Variants in SLIT2 observed in about 807,000 individuals in gnomAD.
The protein encoded by SLIT2 is slit guidance ligand 2.
In SLIT2, 41 loss-of-function variants were observed where a neutral mutation model predicts 185.7. That is an observed-to-expected ratio of 0.22 (90% confidence interval 0.17 to 0.29). The LOEUF is 0.29. SLIT2 is among the 10% of genes least tolerant of loss of function. The probability of loss-of-function intolerance (pLI) is 1.00; values close to 1 mark genes in which losing one functional copy is unlikely to be tolerated. For missense variants in SLIT2, 1,571 were observed against 1,909.0 expected (o/e 0.82, Z 3.30); for synonymous variants, 693 against 680.2 (o/e 1.02, Z -0.29).
chr4:20,515,880 A>G (rs933312592), intron 11 of SLIT2, among the ~76,000 whole-genome samples: 1 of 152,128 alleles, frequency 6.6e-6, no homozygotes, highest in African/African-American at 2.4e-5. Context: ...CAATGGCGCA[A>G]TCTCGGCTCA....
chr4:20,605,341 G>A (rs1728707460), intron 33 of SLIT2, among the ~76,000 whole-genome samples: 1 of 152,152 alleles, frequency 6.6e-6, no homozygotes, highest in African/African-American at 2.4e-5. Flanking sequence ...CAAACAGTTG[G>A]GGAACTGCTT....
At chr4:20,598,451 C>G in intron 33 of SLIT2, 56 bp downstream of exon 33, 1 of 1,585,894 alleles carries the variant, frequency 6.3e-7, no homozygotes. Context: ...TGAAGAACTG[C>G]TTCTCCTCTA....
intron 26 of SLIT2, among the ~76,000 whole-genome samples, chr4:20,559,811 T>C (rs1175915315): frequency 6.6e-6 from 1 of 152,016 alleles, no homozygotes; most frequent in Non-Finnish European, 1.5e-5. Flanking sequence ...AAGTTTATTT[T>C]AAAGTTTTTA....
intron 4 of SLIT2, among the ~76,000 whole-genome samples, chr4:20,283,124 A>G (rs200818266): frequency 2.2e-4 from 25 of 114,374 alleles, no homozygotes; most frequent in African/African-American, 8.0e-4. Context: ...GCGCGCGCAC[A>G]CACACACACA....
chr4:20,261,237 A>C (rs1177271450), intron 3 of SLIT2, among the ~76,000 whole-genome samples: 1 of 151,834 alleles, frequency 6.6e-6, no homozygotes, highest in Non-Finnish European at 1.5e-5. Flanking sequence ...TTAATCAAAA[A>C]AATTTTCAAA....
At chr4:20,557,710 T>G (rs1339791304) in intron 26 of SLIT2, among the ~76,000 whole-genome samples, 2 of 152,102 alleles carry the variant, frequency 1.3e-5, no homozygotes, top group African/African-American at 4.8e-5. Context: ...TTTATAAGGC[T>G]ACAGCAGCTG....
At chr4:20,293,602 G>T (rs1470834670) in intron 4 of SLIT2, among the ~76,000 whole-genome samples, 1 of 152,116 alleles carries the variant, frequency 6.6e-6, no homozygotes, top group East Asian at 1.9e-4. Context: ...TTTTTTCAGG[G>T]TTTAGCATCA....
intron 4 of SLIT2, among the ~76,000 whole-genome samples, chr4:20,411,207 A>G (rs1321047076): frequency 6.6e-6 from 1 of 152,106 alleles, no homozygotes; most frequent in Non-Finnish European, 1.5e-5. Context: ...TGGCTTCCTC[A>G]TTTTTTGTGT....
intron 4 of SLIT2, among the ~76,000 whole-genome samples, chr4:20,337,679 T>G (rs1720619087): frequency 6.6e-6 from 1 of 152,196 alleles, no homozygotes; most frequent in Non-Finnish European, 1.5e-5. Flanking sequence ...AAGGCAATAC[T>G]GACACTCCAC....
In SLIT2 at chr4:20,408,564, G is replaced by A. The variant is rs115254480; in HGVS notation, c.396-59188G>A. 3.4e-3 allele frequency among the ~76,000 whole-genome samples: 517 copies of A among 152,078 alleles called. 7 individuals are homozygous for A. The highest frequency in any genetic ancestry group is 0.011 in the African/African-American group (467 of 41,462). ...ACTCTGCTGTGCTCAAAGAACCTTC[G>A]TTTTTTGTGATTATGTGCTTATTTT... On this transcript the variant is annotated intron_variant, in intron 4 of 36. Coordinates refer to ENST00000504154, the MANE Select transcript of SLIT2 (RefSeq NM_004787.4).
intron 21 of SLIT2, among the ~76,000 whole-genome samples, chr4:20,543,485 T>C (rs1364879901): frequency 6.6e-6 from 1 of 152,206 alleles, no homozygotes; most frequent in Admixed American, 6.5e-5. Context: ...TCACTTTGCC[T>C]GTTTATTTTT....
intron 3 of SLIT2, among the ~76,000 whole-genome samples, chr4:20,267,447 A>G (rs1303992203): frequency 6.6e-6 from 1 of 151,810 alleles, no homozygotes; most frequent in Non-Finnish European, 1.5e-5. Context: ...AGTTCACATA[A>G]AGTTATGGTG....
intron 4 of SLIT2, among the ~76,000 whole-genome samples, chr4:20,455,965 A>G (rs182090275): frequency 2.8e-4 from 42 of 152,246 alleles, no homozygotes; most frequent in African/African-American, 9.4e-4. Context: ...ATCATATTTT[A>G]GTTGAAGTCT....
At position 20,555,751 on chromosome 4, in the gene SLIT2, A is replaced by T. The variant is rs140775222; in HGVS notation, c.2725+1783A>T. Among the ~76,000 whole-genome samples, 149 of 152,170 alleles carry T rather than the reference A, an allele frequency of 9.8e-4. 3 individuals are homozygous for T. Among genetic ancestry groups the T allele is most frequent in the African/African-American group, 3.4e-3 (140 of 41,456 alleles). On this transcript the variant is annotated intron_variant, in intron 26 of 36. Coordinates refer to ENST00000504154, the MANE Select transcript of SLIT2 (RefSeq NM_004787.4). ...GTAAATATTGACATTTTAAAACAAA[A>T]CTCATCTGAGATTTTTTTTAAATGT...
intron 12 of SLIT2, 136 bp downstream of exon 12, chr4:20,519,589 CA>C (rs910874144): frequency 1.7e-4 from 104 of 604,978 alleles, no homozygotes; most frequent in African/African-American, 1.7e-3. Flanking sequence ...AAGAGTAGTC[CA>C]GTCAAGCTAG....
chr4:20,610,194 T>G, intron 34 of SLIT2, 27 bp downstream of exon 34: 1 of 1,597,598 alleles, frequency 6.3e-7, no homozygotes, highest in Non-Finnish European at 8.5e-7. Context: ...ATTCAGGTGG[T>G]CCTGAAACCC....
Position 20,325,191 on chromosome 4 carries a change from A to G in SLIT2, c.395+56310A>G, listed in dbSNP as rs186754543. ...CTTTCGCCATATACAAAATCAAGCA[A>G]TGGTGGAAGATGGCTTTCAAACTGC... On this transcript the variant is annotated intron_variant, in intron 4 of 36. Transcript: ENST00000504154. Among the ~76,000 whole-genome samples the G allele has an allele frequency of 3.8e-3, 579 of 151,864 alleles. 5 individuals carry two copies. The highest frequency in any genetic ancestry group is 0.014 in the African/African-American group (559 of 41,400).
intron 6 of SLIT2, among the ~76,000 whole-genome samples, chr4:20,483,342 C>T (rs527433828): frequency 6.6e-6 from 1 of 151,952 alleles, no homozygotes; most frequent in Non-Finnish European, 1.5e-5. Flanking sequence ...AGCAAGGAAG[C>T]AGTTTAACAC....
intron 3 of SLIT2, among the ~76,000 whole-genome samples, chr4:20,263,326 C>T (rs1350179187): frequency 6.6e-6 from 1 of 151,628 alleles, no homozygotes; most frequent in Non-Finnish European, 1.5e-5. Context: ...TTGATCTCAT[C>T]AATATTGCTT....
Sources: allele counts gnomAD v4.1 joint callset (sites outside exome capture counted in the v4.1 genomes callset), GRCh38; gene constraint gnomAD v4.1.1; transcripts MANE v1.5; gene names NCBI Gene and HGNC (gene_info 2026-07-23, HGNC 2026-07-21).